The following AUTS2 variants were observed in gnomAD, a reference collection of about 807,000 sequenced individuals.
AUTS2 encodes autism susceptibility gene 2 protein.
In AUTS2, 17 loss-of-function variants were observed where a neutral mutation model predicts 112.4. The ratio of observed to expected loss-of-function variants is 0.15; its 90% confidence interval spans 0.10 to 0.23. AUTS2 has a LOEUF of 0.23. AUTS2 is among the 10% of genes least tolerant of loss of function. The pLI is 1.00. For synonymous variants in AUTS2, 751 were observed against 702.7 expected, an observed-to-expected ratio of 1.07 and a Z score of -1.09; for missense variants, 1,510 against 1,701.6, an observed-to-expected ratio of 0.89 and a Z score of 1.98.
chr7:69,784,331 G>A (rs1390161666), intron 1 of AUTS2, among the ~76,000 whole-genome samples: 3 of 152,206 alleles, frequency 2.0e-5, no homozygotes, highest in African/African-American at 7.2e-5. Flanking sequence ...GAAGTACTCA[G>A]CTAGAGGAGA....
intron 5 of AUTS2, among the ~76,000 whole-genome samples, chr7:70,620,936 G>A (rs1804637612): frequency 6.6e-6 from 1 of 152,228 alleles, no homozygotes; most frequent in Non-Finnish European, 1.5e-5. Context: ...ATGGTCAGAA[G>A]ACCAGTTCAG....
rs115738259 is a variant in AUTS2, at chr7:70,539,976, C to T, written c.690+104195C>T. Reference sequence around the variant, plus strand: ...CCCGGTTTCCACTCATCCAGCCCTACTCCTCCCACTGTTTTCCAGCCATTA... The same window carrying T: ...CCCGGTTTCCACTCATCCAGCCCTATTCCTCCCACTGTTTTCCAGCCATTA... On this transcript the variant is annotated intron_variant, in intron 5 of 18. Transcript: ENST00000342771. 4.5e-3 allele frequency among the ~76,000 whole-genome samples: 678 copies of T among 152,336 alleles called. 8 individuals carry two copies. Among genetic ancestry groups the T allele is most frequent in the African/African-American group, 0.015 (633 of 41,570 alleles).
chr7:69,965,344 G>A (rs1261279472), intron 2 of AUTS2, among the ~76,000 whole-genome samples: 1 of 152,148 alleles, frequency 6.6e-6, no homozygotes, highest in South Asian at 2.1e-4. Flanking sequence ...AACTACTAGC[G>A]AGGCATCAAC....
chr7:70,705,611 T>G (rs1398391397), intron 6 of AUTS2, among the ~76,000 whole-genome samples: 1 of 152,226 alleles, frequency 6.6e-6, no homozygotes, highest in Admixed American at 6.5e-5. Context: ...AGAGGTGCTG[T>G]TCCACTCTCT....
chr7:70,678,968 G>A lies in AUTS2; in HGVS notation c.691-19601G>A, dbSNP rs976058139. On this transcript the variant is annotated intron_variant, in intron 5 of 18. Transcript: ENST00000342771. ...ATCAGAGTCTTATATGCTAATACTC[G>A]GATTGGCAACCATGAGGAAAGCTGG... 1.3e-4 allele frequency among the ~76,000 whole-genome samples: 20 copies of A among 152,170 alleles called. 3 individuals carry two copies. Among genetic ancestry groups the A allele is most frequent in the Admixed American group, 4.6e-4 (7 of 15,280 alleles).
intron 1 of AUTS2, among the ~76,000 whole-genome samples, chr7:69,851,490 TC>T (rs1415954113): frequency 2.6e-5 from 4 of 151,992 alleles, no homozygotes; most frequent in African/African-American, 9.7e-5. Flanking sequence ...ACACAAGCAA[TC>T]CCCCCACCTT....
At chr7:70,621,222 A>G (rs548322817) in intron 5 of AUTS2, among the ~76,000 whole-genome samples, 44 of 152,338 alleles carry the variant, frequency 2.9e-4, no homozygotes, top group Admixed American at 2.6e-3. Context: ...GTGGGGGCAC[A>G]CATTCCAGGC....
At chr7:70,004,809 CTTTA>C (rs35522970) in intron 2 of AUTS2, among the ~76,000 whole-genome samples, 1,777 of 149,416 alleles carry the variant, frequency 0.012, 13 homozygotes, top group Middle Eastern at 0.021. Flanking sequence ...GAATTAATGA[CTTTA>C]TTTATTTATT....
intron 13 of AUTS2, 91 bp from the exon 14 acceptor site, chr7:70,777,012 C>A: frequency 7.7e-7 from 1 of 1,294,412 alleles, no homozygotes; most frequent in Non-Finnish European, 1.1e-6. Context: ...AAAGCCTCTG[C>A]AGCCAAAATC....
At chr7:69,943,090 A>G (rs914616631) in intron 2 of AUTS2, among the ~76,000 whole-genome samples, 24 of 152,200 alleles carry the variant, frequency 1.6e-4, no homozygotes, top group African/African-American at 5.8e-4. Flanking sequence ...TGTTTGCGTT[A>G]TATATGTATG....
At chr7:69,642,000 T>G (rs762828187) in intron 1 of AUTS2, among the ~76,000 whole-genome samples, 2 of 152,182 alleles carry the variant, frequency 1.3e-5, no homozygotes, top group Non-Finnish European at 2.9e-5. Flanking sequence ...CTGACTCAGT[T>G]TTGTAGTTAA....
intron 1 of AUTS2, among the ~76,000 whole-genome samples, chr7:69,806,793 C>G (rs1040244972): frequency 6.6e-6 from 1 of 152,208 alleles, no homozygotes; most frequent in African/African-American, 2.4e-5. Context: ...CCATCACACT[C>G]TACTGTTTCT....
chr7:70,669,634 C>G (rs1248443850), intron 5 of AUTS2, among the ~76,000 whole-genome samples: 1 of 152,226 alleles, frequency 6.6e-6, no homozygotes, highest in Non-Finnish European at 1.5e-5. Flanking sequence ...ATCATGCTGT[C>G]TGCACATAAT....
intron 2 of AUTS2, among the ~76,000 whole-genome samples, chr7:70,031,395 C>G (rs1800772352): frequency 6.6e-6 from 1 of 152,144 alleles, no homozygotes; most frequent in Admixed American, 6.6e-5. Context: ...TTGACCTTCC[C>G]TTTCAGCATA....
chr7:70,203,023 A>G (rs1810369811), intron 4 of AUTS2, among the ~76,000 whole-genome samples: 1 of 140,254 alleles, frequency 7.1e-6, no homozygotes, highest in South Asian at 2.5e-4. Context: ...GCCATAAAAA[A>G]TGATGAGTTC....
chr7:70,700,400 T>C (rs1342016273), intron 6 of AUTS2, among the ~76,000 whole-genome samples: 1 of 152,216 alleles, frequency 6.6e-6, no homozygotes, highest in Non-Finnish European at 1.5e-5. Flanking sequence ...AGCATTTTAG[T>C]TGATGGCAGA....
At chr7:69,823,624 AGTT>A (rs1188431331) in intron 1 of AUTS2, among the ~76,000 whole-genome samples, 5 of 152,158 alleles carry the variant, frequency 3.3e-5, no homozygotes, top group Admixed American at 6.5e-5. Flanking sequence ...AAAGTACTAT[AGTT>A]GTGCCGGGCC....
rs945415199 is a variant in AUTS2 at position 70,768,044 on chromosome 7, A to G, written c.1710A>G (p.Lys570=). ...APPMFDKYPT[K]VDPFYRHSLF... Reference sequence around the variant, plus strand: ...TACAGTTTGACAAATACCCTACAAAAGTTGACCCATTCTACCGGCACAGTG... The same window carrying G: ...TACAGTTTGACAAATACCCTACAAAGGTTGACCCATTCTACCGGCACAGTG... The change falls in exon 10 of 19, where the codon AAA becomes AAG. Residue 570 remains lysine, a synonymous_variant. Transcript: ENST00000342771. 9 of 1,608,418 alleles carry G rather than the reference A, an allele frequency of 5.6e-6. No homozygotes were observed. The highest frequency in any genetic ancestry group is 7.6e-6 in the Non-Finnish European group (9 of 1,178,282).
intron 4 of AUTS2, among the ~76,000 whole-genome samples, chr7:70,317,497 C>G (rs1790051181): frequency 6.6e-6 from 1 of 152,074 alleles, no homozygotes; most frequent in Non-Finnish European, 1.5e-5. Flanking sequence ...TTCATTTTTC[C>G]TGGTTTTCCT....
Sources: gnomAD v4.1 joint callset for allele counts (sites outside exome capture counted in the v4.1 genomes callset) on GRCh38, gnomAD v4.1.1 for gene constraint, MANE v1.5 for transcripts, NCBI Gene and HGNC (gene_info 2026-07-23, HGNC 2026-07-21) for gene names.